The following AKAP3 variants were observed in gnomAD, a reference collection of about 807,000 sequenced individuals.
AKAP3 encodes the protein A-kinase anchor protein 3.
Under a neutral mutation model 57.2 loss-of-function variants are expected in AKAP3, and 27 were observed. That is an observed-to-expected ratio of 0.47 (90% CI 0.35 to 0.65). AKAP3 has a LOEUF of 0.65. AKAP3 is among the 30% of genes least tolerant of loss of function. The probability of loss-of-function intolerance (pLI) is 0.01; values close to 1 mark genes in which losing one functional copy is unlikely to be tolerated. For synonymous variants in AKAP3, 334 were observed against 392.3 expected (o/e 0.85, Z 1.76); for missense variants, 959 against 1,040.0 (o/e 0.92, Z 1.07).
At chr12:4,645,471 G>C (rs1591538065) in intron 1 of AKAP3, 1 of 152,246 alleles carries the variant, frequency 6.6e-6, no homozygotes, top group East Asian at 1.9e-4. Flanking sequence ...GATGATTCAA[G>C]CACATTACAT....
chr12:4,626,749 A>G lies in AKAP3; in HGVS notation c.2153T>C (p.Leu718Ser), dbSNP rs1336063023. Residue 718 changes from leucine to serine, a missense_variant, in exon 5 of 6, where the codon TTA becomes TCA. Transcript: ENST00000228850. ...TGCTGACCCTGTGCCCTTGGCTGGTAAGCACTCATATAAACTATCTGGGAA... is the reference window on the plus strand; with the variant it reads ...TGCTGACCCTGTGCCCTTGGCTGGTGAGCACTCATATAAACTATCTGGGAA... ...SAFPDSLYEC[L>S]PAKGTGSAEA... 6.2e-7 allele frequency: 1 copy of G among 1,613,672 alleles called. No homozygotes were observed. The highest frequency in any genetic ancestry group is 2.2e-5 in the East Asian group (1 of 44,900).
At chr12:4,632,386 CT>C (rs1362090095) in intron 4 of AKAP3, among the ~76,000 whole-genome samples, 2 of 152,084 alleles carry the variant, frequency 1.3e-5, no homozygotes. Context: ...TTATATACCC[CT>C]CACCCTAGTT....
In AKAP3 at chr12:4,618,426, GAT is replaced by G. The variant is rs1436856505; in HGVS notation, c.2407-2534_2407-2533del. ...AGATAAGCTTCATATCTATATGCAA[GAT>G]ATTGAATTTGGACTCCTACCTCACA... On this transcript the variant is annotated intron_variant, in intron 5 of 5. Transcript: ENST00000228850. 2.6e-5 allele frequency among the ~76,000 whole-genome samples: 4 copies of G among 152,162 alleles called. No individual in the cohort carries two copies. The East Asian group carries it at 7.7e-4, about 29-fold the overall frequency.
At chr12:4,630,006 A>G (rs1297879933) in intron 4 of AKAP3, among the ~76,000 whole-genome samples, 2 of 152,240 alleles carry the variant, frequency 1.3e-5, no homozygotes, top group Non-Finnish European at 2.9e-5. Flanking sequence ...TACAATCTGC[A>G]TGTGGGAAAA....
At chr12:4,640,929 C>T (rs1945629007) in intron 3 of AKAP3, among the ~76,000 whole-genome samples, 1 of 152,124 alleles carries the variant, frequency 6.6e-6, no homozygotes, top group Non-Finnish European at 1.5e-5. Flanking sequence ...GATTCTAAAA[C>T]ACATCAAGAA....
At chr12:4,618,348 TGGATAA>T (rs1945309971) in intron 5 of AKAP3, among the ~76,000 whole-genome samples, 1 of 152,210 alleles carries the variant, frequency 6.6e-6, no homozygotes, top group Admixed American at 6.5e-5. Context: ...ATAAAGGAGA[TGGATAA>T]TTCAGAGGGG....
chr12:4,641,864 T>C (rs571527450), intron 3 of AKAP3, 35 bp downstream of exon 3: 2 of 152,372 alleles, frequency 1.3e-5, no homozygotes, highest in Admixed American at 6.5e-5. Context: ...CTGACAATTA[T>C]GTACAAAAAG....
At chr12:4,635,829 A>T in intron 4 of AKAP3, 3 of 677,798 alleles carry the variant, frequency 4.4e-6, no homozygotes, top group Non-Finnish European at 8.1e-6. Context: ...AAATCAGCTG[A>T]ATCTGTAAAA....
intron 4 of AKAP3, among the ~76,000 whole-genome samples, chr12:4,633,942 CAG>C (rs989882448): frequency 2.7e-5 from 4 of 150,162 alleles, no homozygotes; most frequent in African/African-American, 9.8e-5. Context: ...AACAGTTATT[CAG>C]AGATTTCAAG....
chr12:4,639,570 T>TCCCCCCCCCCCCCCCC (rs1271540093), intron 3 of AKAP3, among the ~76,000 whole-genome samples: 1 of 148,604 alleles, frequency 6.7e-6, no homozygotes. Flanking sequence ...ATGCTGTCCC[T>TCCCCCCCCCCCCCCCC]CCCCCATCCC....
At chr12:4,618,354 A>ACC (rs1945310096) in intron 5 of AKAP3, among the ~76,000 whole-genome samples, 1 of 152,248 alleles carries the variant, frequency 6.6e-6, no homozygotes, top group Admixed American at 6.5e-5. Flanking sequence ...GAGATGGATA[A>ACC]TTCAGAGGGG....
At position 4,615,761 on chromosome 12, in the gene AKAP3, T is replaced by A; in HGVS notation, c.2540A>T (p.Asp847Val). 6.2e-7 allele frequency: 1 copy of A among 1,614,128 alleles called. No homozygotes were observed. Among genetic ancestry groups the A allele is most frequent in the Non-Finnish European group, 8.5e-7 (1 of 1,180,008 alleles). ...CGATTACAGGTTCACCATCAGCCAG[T>A]CCAGCAGCTGCAGCGGTGTGACATT... ...VGNVTPLQLL[D>V]WLMVNL The change falls in exon 6 of 6, where the codon GAC becomes GTC. Residue 847 changes from aspartate (D) to valine (V), a missense_variant. Physicochemically the swap from Asp to Val is radical, Grantham distance 152. Transcript: ENST00000228850.
intron 3 of AKAP3, among the ~76,000 whole-genome samples, chr12:4,641,457 G>T (rs1457396834): frequency 6.6e-6 from 1 of 152,102 alleles, no homozygotes; most frequent in African/African-American, 2.4e-5. Context: ...CAAGTGATCC[G>T]CCAGCCTTGG....
At chr12:4,641,802 G>A (rs1260532123) in intron 3 of AKAP3, 97 bp downstream of exon 3, 1 of 152,124 alleles carries the variant, frequency 6.6e-6, no homozygotes, top group Non-Finnish European at 1.5e-5. Flanking sequence ...AGAAAATTGT[G>A]ACAAAATCAA....
chr12:4,627,731 G>C lies in AKAP3; in HGVS notation c.1171C>G (p.Pro391Ala). Residue 391 changes from proline (P) to alanine (A), a missense_variant, in exon 5 of 6, where the codon CCT becomes GCT. Pro to Ala is a conservative substitution (Grantham distance 27, BLOSUM62 -1). Coordinates refer to ENST00000228850, the MANE Select transcript of AKAP3 (RefSeq NM_001278309.2). ...LYNVMFAKKV[P>A]EHVRKAQDKA... ...TCTTGGGCTTTCCTGACATGCTCAGGGACTTTCTTGGCAAACATTACATTG... is the reference window on the plus strand; with the variant it reads ...TCTTGGGCTTTCCTGACATGCTCAGCGACTTTCTTGGCAAACATTACATTG... 1 of 1,614,040 alleles carries C rather than the reference G, an allele frequency of 6.2e-7. No homozygotes were observed. The highest frequency in any genetic ancestry group is 8.5e-7 in the Non-Finnish European group (1 of 1,180,010).
At chr12:4,647,290 C>T (rs61909962) in intron 1 of AKAP3, among the ~76,000 whole-genome samples, 6,623 of 151,834 alleles carry the variant, frequency 0.044, 199 homozygotes, top group South Asian at 0.12. Flanking sequence ...TTTTATTTAC[C>T]CTGTTAGACA....
chr12:4,643,771 G>T (rs1945665548), intron 2 of AKAP3, among the ~76,000 whole-genome samples: 1 of 152,164 alleles, frequency 6.6e-6, no homozygotes, highest in African/African-American at 2.4e-5. Context: ...CTTGGTTATG[G>T]TCGTTATATC....
intron 4 of AKAP3, among the ~76,000 whole-genome samples, chr12:4,637,524 A>C (rs1945582044): frequency 6.6e-6 from 1 of 152,190 alleles, no homozygotes; most frequent in Non-Finnish European, 1.5e-5. Context: ...TATGCCTTTT[A>C]GTAGTTAACT....
chr12:4,637,713 G>T (rs532488453), intron 4 of AKAP3, among the ~76,000 whole-genome samples: 1 of 152,074 alleles, frequency 6.6e-6, no homozygotes, highest in African/African-American at 2.4e-5. Flanking sequence ...AGAATTTTAA[G>T]GCATCCTACA....
Sources: gnomAD v4.1 joint callset for allele counts (sites outside exome capture counted in the v4.1 genomes callset) on GRCh38, gnomAD v4.1.1 for gene constraint, MANE v1.5 for transcripts, NCBI Gene and HGNC (gene_info 2026-07-23, HGNC 2026-07-21) for gene names.